The following TMTC2 variants were observed in gnomAD, a reference collection of about 807,000 sequenced individuals.
TMTC2 encodes protein O-mannosyl-transferase TMTC2.
In TMTC2, 43 loss-of-function variants were observed where a neutral mutation model predicts 82.4. The observed-to-expected ratio is 0.52, with a 90% CI of 0.41 to 0.67. The LOEUF (loss-of-function observed/expected upper bound fraction) is 0.67. Ranked by LOEUF, TMTC2 falls within the 30% of genes least tolerant of loss-of-function variation. The probability of loss-of-function intolerance (pLI) is 0.00; values close to 1 mark genes in which losing one functional copy is unlikely to be tolerated. For synonymous variants in TMTC2, 408 were observed against 381.9 expected, an observed-to-expected ratio of 1.07 and a Z score of -0.80; for missense variants, 919 against 1,012.4, an observed-to-expected ratio of 0.91 and a Z score of 1.25.
chr12:82,764,742 A>AG (rs1183029195), intron 1 of TMTC2, among the ~76,000 whole-genome samples: 6 of 151,164 alleles, frequency 4.0e-5, no homozygotes, highest in Admixed American at 2.0e-4. Flanking sequence ...CCAATTTTAA[A>AG]GGGGAAAGGG....
chr12:82,759,775 G>T (rs572909083), intron 1 of TMTC2: 1 of 152,184 alleles, frequency 6.6e-6, no homozygotes, highest in Non-Finnish European at 1.5e-5. Context: ...TTTGTAAAAC[G>T]ATAAATAAAT....
chr12:83,091,483 T>C (rs527538438), intron 11 of TMTC2, among the ~76,000 whole-genome samples: 1 of 152,174 alleles, frequency 6.6e-6, no homozygotes, highest in Non-Finnish European at 1.5e-5. Context: ...ACTGCCAGAT[T>C]ATTTTCCAAA....
intron 1 of TMTC2, among the ~76,000 whole-genome samples, chr12:82,767,761 C>G (rs1877057688): frequency 6.6e-6 from 1 of 152,046 alleles, no homozygotes; most frequent in Admixed American, 6.6e-5. Context: ...ACGATTGGTT[C>G]TATTGTTTAT....
At chr12:83,004,265 T>C (rs770832337) in intron 8 of TMTC2, among the ~76,000 whole-genome samples, 39 of 152,238 alleles carry the variant, frequency 2.6e-4, no homozygotes, top group Admixed American at 1.7e-3. Context: ...ATTGCATCTT[T>C]CAATTCTTGG....
At chr12:82,719,372 A>G (rs929742449) in intron 1 of TMTC2, among the ~76,000 whole-genome samples, 1 of 152,016 alleles carries the variant, frequency 6.6e-6, no homozygotes, top group Admixed American at 6.6e-5. Flanking sequence ...GATTGCAGGC[A>G]TAAGCCACCG....
intron 11 of TMTC2, among the ~76,000 whole-genome samples, chr12:83,096,692 C>G (rs11115578): frequency 3.3e-5 from 5 of 152,110 alleles, no homozygotes; most frequent in Non-Finnish European, 7.4e-5. Context: ...TACCTCCCAC[C>G]AGGACCCCTC....
intron 1 of TMTC2, among the ~76,000 whole-genome samples, chr12:82,836,233 G>A (rs1391129783): frequency 6.6e-6 from 1 of 152,202 alleles, no homozygotes; most frequent in Non-Finnish European, 1.5e-5. Flanking sequence ...GAGACACTTA[G>A]TGGCCTTCCA....
chr12:83,119,161 A>G (rs1460910912), intron 11 of TMTC2, among the ~76,000 whole-genome samples: 1 of 151,406 alleles, frequency 6.6e-6, no homozygotes, highest in Admixed American at 6.6e-5. Context: ...TTCTGCTCTG[A>G]TCTTGGTTGT....
At chr12:82,823,185 T>G (rs1358119431) in intron 1 of TMTC2, among the ~76,000 whole-genome samples, 1 of 152,220 alleles carries the variant, frequency 6.6e-6, no homozygotes, top group Non-Finnish European at 1.5e-5. Context: ...AAACATTTCA[T>G]AAGTCAGTGG....
At chr12:82,814,026 C>A (rs1465393699) in intron 1 of TMTC2, among the ~76,000 whole-genome samples, 1 of 152,140 alleles carries the variant, frequency 6.6e-6, no homozygotes, top group African/African-American at 2.4e-5. Flanking sequence ...TTACCTCTCA[C>A]AACAATCCTT....
chr12:82,959,523 A>C (rs1236617634), intron 4 of TMTC2, among the ~76,000 whole-genome samples: 1 of 152,184 alleles, frequency 6.6e-6, no homozygotes, highest in African/African-American at 2.4e-5. Context: ...AAAGTCTCAC[A>C]TCTACAGCTA....
At chr12:82,998,079 T>G (rs1879744660) in intron 8 of TMTC2, among the ~76,000 whole-genome samples, 2 of 152,186 alleles carry the variant, frequency 1.3e-5, no homozygotes, top group South Asian at 4.1e-4. Context: ...ACTATTTACC[T>G]GGTAAACTGG....
intron 1 of TMTC2, among the ~76,000 whole-genome samples, chr12:82,701,628 G>A (rs981179261): frequency 1.3e-5 from 2 of 150,420 alleles, no homozygotes; most frequent in African/African-American, 4.9e-5. Context: ...GGGTGTGGAG[G>A]TGCAAGCCTG....
intron 3 of TMTC2, among the ~76,000 whole-genome samples, chr12:82,898,467 T>A (rs748611778): frequency 2.6e-5 from 4 of 152,222 alleles, no homozygotes; most frequent in Non-Finnish European, 5.9e-5. Flanking sequence ...CAGGCTAAGC[T>A]GCTGTTACAA....
intron 7 of TMTC2, among the ~76,000 whole-genome samples, chr12:82,971,735 C>T (rs1022334336): frequency 1.3e-5 from 2 of 150,558 alleles, no homozygotes; most frequent in Non-Finnish European, 3.0e-5. Flanking sequence ...ATGTATTATA[C>T]GGAGTAAGAG....
At chr12:82,719,393 G>C (rs945927868) in intron 1 of TMTC2, among the ~76,000 whole-genome samples, 17 of 151,798 alleles carry the variant, frequency 1.1e-4, no homozygotes, top group Admixed American at 1.1e-3. Flanking sequence ...TGCCCAGCCT[G>C]GATGATTATA....
intron 3 of TMTC2, among the ~76,000 whole-genome samples, chr12:82,923,583 A>G (rs2137231933): frequency 6.6e-6 from 1 of 152,192 alleles, no homozygotes; most frequent in South Asian, 2.1e-4. Context: ...ATATTCTTCT[A>G]CATATTCTTC....
At chr12:83,008,840 C>A (rs1565850624) in intron 8 of TMTC2, among the ~76,000 whole-genome samples, 1 of 152,182 alleles carries the variant, frequency 6.6e-6, no homozygotes, top group Non-Finnish European at 1.5e-5. Context: ...CTTCAAATTT[C>A]TCTTCCGTTC....
At chr12:82,847,799 G>T (rs1191467735) in intron 1 of TMTC2, among the ~76,000 whole-genome samples, 1 of 151,770 alleles carries the variant, frequency 6.6e-6, no homozygotes, top group Non-Finnish European at 1.5e-5. Context: ...CTGTCAGGGG[G>T]TGTGGGACTT....
Sources: gnomAD v4.1 joint callset for allele counts (sites outside exome capture counted in the v4.1 genomes callset) on GRCh38, gnomAD v4.1.1 for gene constraint, MANE v1.5 for transcripts, NCBI Gene and HGNC (gene_info 2026-07-23, HGNC 2026-07-21) for gene names.